AQP7B: variants seen among roughly 807,000 people sequenced by gnomAD.
AQP7B encodes aquaporin 7B, also known as putative aquaporin-7B.
At chr2:94,595,189 C>A in the AQP7B span, among the ~76,000 whole-genome samples, 1 of 152,270 alleles carries the variant, frequency 6.6e-6, no homozygotes, top group African/African-American at 2.4e-5. Context: ...AATTCCAGCA[C>A]TTTGGGAGGC....
chr2:94,603,779 T>G, the AQP7B span: 82 of 1,541,328 alleles, frequency 5.3e-5, no homozygotes, highest in Non-Finnish European at 7.1e-5. Context: ...AACCCAGCAC[T>G]GCCAGGAACA....
At chr2:94,596,580 T>G in the AQP7B span, among the ~76,000 whole-genome samples, 1 of 152,242 alleles carries the variant, frequency 6.6e-6, no homozygotes, top group Non-Finnish European at 1.5e-5. Flanking sequence ...GCTTAAAGCC[T>G]GACTTCTCAC....
chr2:94,590,336 C>T, the AQP7B span, among the ~76,000 whole-genome samples: 2 of 152,158 alleles, frequency 1.3e-5, no homozygotes, highest in East Asian at 3.9e-4. Flanking sequence ...GCACCTACCA[C>T]CACGCCCAGC....
chr2:94,594,931 C>T, the AQP7B span: 7 of 1,003,216 alleles, frequency 7.0e-6, no homozygotes, highest in South Asian at 7.5e-5. Context: ...CCATGACCCC[C>T]TCCCCATGCT....
At chr2:94,603,218 C>T in the AQP7B span, 2 of 1,444,740 alleles carry the variant, frequency 1.4e-6, no homozygotes, top group Non-Finnish European at 9.5e-7. Context: ...TCAGCCGCCT[C>T]CTATGAAATA....
the AQP7B span, chr2:94,603,914 G>T: frequency 7.7e-7 from 1 of 1,295,040 alleles, no homozygotes; most frequent in Non-Finnish European, 1.1e-6. Flanking sequence ...GCTGGCTGGG[G>T]CAAACAGGTC....
chr2:94,602,520 T>C, the AQP7B span: 3 of 1,605,306 alleles, frequency 1.9e-6, no homozygotes, highest in Non-Finnish European at 8.5e-7. Flanking sequence ...GTGGCCCATA[T>C]GGTTCTAAAT....
the AQP7B span, among the ~76,000 whole-genome samples, chr2:94,593,598 G>T: frequency 1.3e-5 from 2 of 149,542 alleles, no homozygotes; most frequent in African/African-American, 4.9e-5. Flanking sequence ...TGATTCTCCT[G>T]CCTCAGCCTC....
the AQP7B span, among the ~76,000 whole-genome samples, chr2:94,593,341 A>T: frequency 1.2e-3 from 184 of 152,144 alleles, no homozygotes; most frequent in Middle Eastern, 3.4e-3. Context: ...AAAGGCCTGC[A>T]GCTAAGGCAG....
chr2:94,596,789 T>A, the AQP7B span, among the ~76,000 whole-genome samples: 2 of 152,122 alleles, frequency 1.3e-5, no homozygotes, highest in South Asian at 2.1e-4. Flanking sequence ...AGCCCCCACC[T>A]CCCATACTCA....
At chr2:94,598,057 C>T in the AQP7B span, among the ~76,000 whole-genome samples, 9 of 152,272 alleles carry the variant, frequency 5.9e-5, no homozygotes, top group East Asian at 1.9e-4. Context: ...TCAGTTTCCC[C>T]ATTTATAGAG....
the AQP7B span, chr2:94,603,057 G>A: frequency 1.5e-5 from 24 of 1,597,656 alleles, no homozygotes; most frequent in Non-Finnish European, 2.0e-5. Context: ...GAATGCAGCT[G>A]TGACCTTCAC....
At chr2:94,589,291 G>A in the AQP7B span, among the ~76,000 whole-genome samples, 7 of 151,788 alleles carry the variant, frequency 4.6e-5, no homozygotes, top group Non-Finnish European at 8.8e-5. Context: ...TTACAGGTGT[G>A]AGCCACTGCA....
the AQP7B span, among the ~76,000 whole-genome samples, chr2:94,597,962 C>A: frequency 4.6e-5 from 7 of 152,128 alleles, no homozygotes; most frequent in African/African-American, 1.7e-4. Context: ...TAAATATTGA[C>A]AGCTTTTAAA....
At chr2:94,604,526 C>T in the AQP7B span, 1 of 1,609,462 alleles carries the variant, frequency 6.2e-7, no homozygotes, top group Middle Eastern at 2.3e-4. Context: ...ATCTTCAGTC[C>T]ACTCTGCCCC....
chr2:94,595,208 G>T, the AQP7B span, among the ~76,000 whole-genome samples: 5 of 152,150 alleles, frequency 3.3e-5, no homozygotes, highest in African/African-American at 7.2e-5. Context: ...GCTTAGGCAG[G>T]TGGATCACCT....
At chr2:94,603,512 C>G in the AQP7B span, 5 of 1,603,956 alleles carry the variant, frequency 3.1e-6, no homozygotes, top group Admixed American at 3.4e-5. Flanking sequence ...GTCAGTGGTC[C>G]AGGATGAGTA....
the AQP7B span, chr2:94,604,031 A>G: frequency 1.9e-5 from 15 of 785,190 alleles, no homozygotes; most frequent in Non-Finnish European, 2.7e-5. Context: ...AGGGTCCTGC[A>G]GAGCCCCCAG....
chr2:94,594,293 C>T, the AQP7B span, among the ~76,000 whole-genome samples: 1 of 152,200 alleles, frequency 6.6e-6, no homozygotes, highest in Non-Finnish European at 1.5e-5. Flanking sequence ...TTGTAGAGTG[C>T]CTCACTGTTG....
Sources: gnomAD v4.1 joint callset for allele counts (sites outside exome capture counted in the v4.1 genomes callset) on GRCh38, gnomAD v4.1.1 for gene constraint, MANE v1.5 for transcripts, NCBI Gene and HGNC (gene_info 2026-07-23, HGNC 2026-07-21) for gene names.